Variants in GLIS3 observed in about 807,000 individuals in gnomAD.
GLIS3 encodes the protein zinc finger protein GLIS3.
GLIS3 carries 53 observed loss-of-function variants against 78.6 expected under a neutral mutation model. The ratio of observed to expected loss-of-function variants is 0.67; its 90% confidence interval spans 0.54 to 0.85. The LOEUF (loss-of-function observed/expected upper bound fraction) is 0.85. Ranked by LOEUF, GLIS3 falls within the 40% of genes least tolerant of loss-of-function variation. The pLI is 0.00. For missense variants in GLIS3, 1,703 were observed against 1,231.1 expected (o/e 1.38, Z -5.74); for synonymous variants, 684 against 509.9 (o/e 1.34, Z -4.60).
At chr9:4,224,258 G>C (rs1209827298) in intron 2 of GLIS3, among the ~76,000 whole-genome samples, 1 of 152,118 alleles carries the variant, frequency 6.6e-6, no homozygotes, top group Non-Finnish European at 1.5e-5. Flanking sequence ...GGTGATCTCA[G>C]AGAATATTTC....
chr9:4,321,218 A>G (rs1817520322), intron 2 of GLIS3, among the ~76,000 whole-genome samples: 1 of 145,754 alleles, frequency 6.9e-6, no homozygotes, highest in African/African-American at 2.6e-5. Flanking sequence ...CAGGAGATCG[A>G]GACCATCCTG....
chr9:4,488,601 C>A, the GLIS3 span, among the ~76,000 whole-genome samples: 2 of 152,036 alleles, frequency 1.3e-5, no homozygotes, highest in Non-Finnish European at 2.9e-5. Flanking sequence ...CTCACCGCAA[C>A]CTCCACCTCC....
At chr9:3,905,319 G>A (rs1823619860) in intron 6 of GLIS3, among the ~76,000 whole-genome samples, 1 of 151,900 alleles carries the variant, frequency 6.6e-6, no homozygotes, top group Admixed American at 6.6e-5. Context: ...CCGGAAGCCT[G>A]TCATTCAGAG....
intron 2 of GLIS3, among the ~76,000 whole-genome samples, chr9:4,195,221 A>G (rs556699557): frequency 1.3e-5 from 2 of 152,264 alleles, no homozygotes; most frequent in South Asian, 4.1e-4. Flanking sequence ...CCTTCAGCCC[A>G]CCACTGCACT....
the GLIS3 span, among the ~76,000 whole-genome samples, chr9:4,463,984 G>C: frequency 6.6e-6 from 1 of 152,188 alleles, no homozygotes; most frequent in African/African-American, 2.4e-5. Context: ...GAATGTCATA[G>C]ATGCAAGTTG....
chr9:4,486,940 C>T, the GLIS3 span, among the ~76,000 whole-genome samples: 1 of 152,210 alleles, frequency 6.6e-6, no homozygotes, highest in Non-Finnish European at 1.5e-5. Flanking sequence ...TCAAGTGATA[C>T]TTCTGCCTCA....
intron 5 of GLIS3, among the ~76,000 whole-genome samples, chr9:3,933,603 G>C (rs1478001472): frequency 6.6e-6 from 1 of 152,130 alleles, no homozygotes; most frequent in East Asian, 1.9e-4. Context: ...CATCAAGTAA[G>C]GTAATAGAGC....
chr9:3,989,933 A>G (rs887597965), intron 4 of GLIS3, among the ~76,000 whole-genome samples: 22 of 152,226 alleles, frequency 1.4e-4, no homozygotes, highest in Admixed American at 8.5e-4. Flanking sequence ...ATCAAGTTCA[A>G]TATTCGGGTT....
intron 2 of GLIS3, among the ~76,000 whole-genome samples, chr9:4,267,216 G>C (rs970644607): frequency 1.6e-4 from 24 of 152,066 alleles, no homozygotes; most frequent in Admixed American, 8.5e-4. Context: ...TCTAAAGTGG[G>C]AGTGTTTTTA....
intron 8 of GLIS3, among the ~76,000 whole-genome samples, chr9:3,870,676 A>T (rs1281017035): frequency 6.6e-6 from 1 of 152,236 alleles, no homozygotes; most frequent in Non-Finnish European, 1.5e-5. Context: ...TGAGAACAGT[A>T]TGAGGGAAAC....
At chr9:4,169,931 T>C (rs965550219) in intron 2 of GLIS3, among the ~76,000 whole-genome samples, 18 of 152,180 alleles carry the variant, frequency 1.2e-4, no homozygotes, top group Non-Finnish European at 2.4e-4. Flanking sequence ...TGACCAAATG[T>C]CGCTTCAATT....
At chr9:3,893,918 A>AAATG (rs765827800) in intron 7 of GLIS3, among the ~76,000 whole-genome samples, 1 of 152,302 alleles carries the variant, frequency 6.6e-6, no homozygotes, top group Non-Finnish European at 1.5e-5. Flanking sequence ...TAACAGCTTA[A>AAATG]AATGACCAGT....
At chr9:3,929,722 A>G (rs1367467183) in intron 6 of GLIS3, among the ~76,000 whole-genome samples, 6 of 152,232 alleles carry the variant, frequency 3.9e-5, no homozygotes, top group African/African-American at 1.2e-4. Context: ...CCCTAGGACT[A>G]GGACCATTAC....
chr9:3,833,598 G>T (rs1818176826), intron 9 of GLIS3, among the ~76,000 whole-genome samples: 1 of 152,216 alleles, frequency 6.6e-6, no homozygotes, highest in Non-Finnish European at 1.5e-5. Flanking sequence ...TCAAGTGCTG[G>T]TTAGGGTGCT....
chr9:4,117,428 A>T (rs1831741652), intron 4 of GLIS3, among the ~76,000 whole-genome samples: 1 of 152,202 alleles, frequency 6.6e-6, no homozygotes, highest in South Asian at 2.1e-4. Context: ...AAGCTTGCTG[A>T]TGTGCAATCT....
At chr9:3,989,934 T>C (rs1820085159) in intron 4 of GLIS3, among the ~76,000 whole-genome samples, 2 of 152,166 alleles carry the variant, frequency 1.3e-5, no homozygotes, top group South Asian at 2.1e-4. Flanking sequence ...TCAAGTTCAA[T>C]ATTCGGGTTG....
chr9:4,167,135 T>C (rs1033542817), intron 2 of GLIS3, among the ~76,000 whole-genome samples: 2 of 152,150 alleles, frequency 1.3e-5, no homozygotes, highest in South Asian at 2.1e-4. Context: ...CATTGTACCA[T>C]TGACAGAAAT....
At chr9:4,078,718 A>G (rs1330746020) in intron 4 of GLIS3, among the ~76,000 whole-genome samples, 1 of 152,192 alleles carries the variant, frequency 6.6e-6, no homozygotes, top group Non-Finnish European at 1.5e-5. Flanking sequence ...CCCTTCTTTC[A>G]GAGGTTTCTA....
rs559259335 is a variant in GLIS3, at chr9:4,318,185, G to A, written n.265-7657C>T. On this transcript the variant is annotated intron_variant and non_coding_transcript_variant, in intron 2 of 4. Coordinates refer to the GLIS3 transcript ENST00000471664. ...CGGGAGAAGTGGTGGGTGGAAGGCA[G>A]TTACAATGATGGAAAGTGGGGAGGT... Among the ~76,000 whole-genome samples, 4 of 152,272 alleles carry A rather than the reference G, an allele frequency of 2.6e-5. No individual in the cohort carries two copies. In the East Asian group the frequency reaches 7.7e-4, roughly 29 times the overall value.
Sources: allele counts gnomAD v4.1 joint callset (sites outside exome capture counted in the v4.1 genomes callset), GRCh38; gene constraint gnomAD v4.1.1; transcripts MANE v1.5; gene names NCBI Gene and HGNC (gene_info 2026-07-23, HGNC 2026-07-21).